GALNT6: variants seen among roughly 807,000 people sequenced by gnomAD.
GALNT6 encodes GalNAc transferase 6.
GALNT6 carries 51 observed loss-of-function variants against 65.9 expected under a neutral mutation model. The observed-to-expected ratio is 0.77, with a 90% CI of 0.62 to 0.98. The LOEUF (loss-of-function observed/expected upper bound fraction) is 0.98. Among genes scored for constraint, GALNT6 ranks in the 50% least tolerant of loss-of-function variants. The pLI, the probability that GALNT6 is intolerant of heterozygous loss-of-function variation, is 0.00. For synonymous variants in GALNT6, 323 were observed against 315.1 expected (o/e 1.02, Z -0.26); for missense variants, 708 against 803.3 (o/e 0.88, Z 1.43).
Position 51,379,787 on chromosome 12 carries a change from A to T in GALNT6, c.-6T>A, listed in dbSNP as rs1947602478. On this transcript the variant is annotated 5_prime_UTR_variant, in exon 3 of 12. Transcript: ENST00000356317. ...CGTCTGCGGAGGAGCCTCATCCTCC[A>T]GAACCAAGGGGCACCCCAGCTGCGT... The T allele has an allele frequency of 6.3e-7, 1 of 1,598,294 alleles. No individual in the cohort carries two copies. The highest frequency in any genetic ancestry group is 8.5e-7 in the Non-Finnish European group (1 of 1,175,716).
At position 51,365,233 on chromosome 12, in the gene GALNT6, T is replaced by C. The variant is rs758187959; in HGVS notation, c.814+197A>G. ...GTGATTTTGGGGTCACCAGTTGTTT[T>C]AGGGATGTTTGTCTTCTTGATGAAA... On this transcript the variant is annotated intron_variant, in intron 5 of 11. Transcript: ENST00000356317. Among the ~76,000 whole-genome samples the C allele has an allele frequency of 1.1e-3, 172 of 152,142 alleles. 1 individual carries two copies. The highest frequency in any genetic ancestry group is 2.2e-3 in the Non-Finnish European group (148 of 68,006).
At chr12:51,370,986 A>G (rs955492543) in intron 4 of GALNT6, among the ~76,000 whole-genome samples, 1 of 152,124 alleles carries the variant, frequency 6.6e-6, no homozygotes, top group Non-Finnish European at 1.5e-5. Context: ...ACATACACAC[A>G]TGAAAAATCC....
rs773343699 is a variant in GALNT6 at position 51,357,308 on chromosome 12, G to C, written c.1602+41C>G. On this transcript the variant is annotated intron_variant, in intron 10 of 11. Transcript: ENST00000356317. ...TCTTTAGGGTAGAGAAAAGGAGCCG[G>C]TGAGGAGAGGAGATGCTCCGGAGAT... The C allele has an allele frequency of 1.5e-5, 19 of 1,274,866 alleles. No homozygotes were observed. The East Asian group carries it at 4.4e-4, about 29-fold the overall frequency. 79.0% of individuals were successfully genotyped at this position (1,274,866 alleles called of 1,614,324 possible).
At position 51,385,011 on chromosome 12, in the gene GALNT6, CAG is replaced by C. The variant is rs1433194624; in HGVS notation, c.-103-5129_-103-5128del. Among the ~76,000 whole-genome samples the C allele has an allele frequency of 2.6e-5, 4 of 151,910 alleles. No individual in the cohort carries two copies. The East Asian group carries it at 7.7e-4, about 29-fold the overall frequency. On this transcript the variant is annotated intron_variant, in intron 2 of 11. Coordinates refer to ENST00000356317, the MANE Select transcript of GALNT6 (RefSeq NM_007210.4). ...TTCTTTCTTTCTTTTTTTTTGGAGACAGGGTCTCATTCTGTTCCTTAAGCTGG... is the reference window on the plus strand; with the variant it reads ...TTCTTTCTTTCTTTTTTTTTGGAGACGGTCTCATTCTGTTCCTTAAGCTGG...
At chr12:51,359,567 G>C (rs770782658) in intron 7 of GALNT6, 11 of 396,266 alleles carry the variant, frequency 2.8e-5, no homozygotes, top group Non-Finnish European at 4.9e-5. Context: ...GAGACTGCAG[G>C]GTCCTGTGTT....
chr12:51,369,086 A>G (rs1194610127), intron 4 of GALNT6, among the ~76,000 whole-genome samples: 1 of 152,190 alleles, frequency 6.6e-6, no homozygotes, highest in Non-Finnish European at 1.5e-5. Context: ...TTTCCCCGAG[A>G]GCTTGCCCAG....
chr12:51,357,578 G>A (rs990089110), intron 9 of GALNT6, 128 bp from the exon 10 acceptor site: 14 of 666,720 alleles, frequency 2.1e-5, no homozygotes, highest in South Asian at 3.4e-5. Flanking sequence ...GATTTCCCCC[G>A]TCATTTCTCT....
chr12:51,388,337 G>A (rs1204064531), intron 2 of GALNT6, among the ~76,000 whole-genome samples: 3 of 152,196 alleles, frequency 2.0e-5, no homozygotes, highest in Admixed American at 6.5e-5. Flanking sequence ...TATTCCTTGA[G>A]CACTGTTTGA....
intron 7 of GALNT6, 152 bp from the exon 8 acceptor site, chr12:51,359,484 C>G (rs1592316194): frequency 7.0e-6 from 4 of 568,160 alleles, no homozygotes; most frequent in Admixed American, 3.1e-5. Context: ...GGATACCGAC[C>G]AGGCTTCTTC....
intron 4 of GALNT6, among the ~76,000 whole-genome samples, chr12:51,372,447 G>GA (rs1947320908): frequency 6.6e-6 from 1 of 152,156 alleles, no homozygotes; most frequent in South Asian, 2.1e-4. Context: ...GGGCTCAAGT[G>GA]ATTTTCCCAC....
chr12:51,385,217 A>AG (rs1233316302), intron 2 of GALNT6, among the ~76,000 whole-genome samples: 1 of 152,126 alleles, frequency 6.6e-6, no homozygotes, highest in Non-Finnish European at 1.5e-5. Context: ...TTCAACTCCT[A>AG]GGCCGAAGCA....
At chr12:51,359,398 C>T (rs1487283111) in intron 7 of GALNT6, 66 bp from the exon 8 acceptor site, 1 of 1,120,580 alleles carries the variant, frequency 8.9e-7, no homozygotes, top group African/African-American at 1.5e-5. Context: ...CCATAAGCAG[C>T]TCTATTCTAT....
chr12:51,364,813 G>A (rs1011450992), intron 5 of GALNT6, among the ~76,000 whole-genome samples: 2 of 152,198 alleles, frequency 1.3e-5, no homozygotes, highest in African/African-American at 4.8e-5. Flanking sequence ...GCTTCTGCAC[G>A]TATTATTACT....
chr12:51,357,629 G>A (rs867226891), intron 9 of GALNT6, among the ~76,000 whole-genome samples, 179 bp from the exon 10 acceptor site: 2 of 152,342 alleles, frequency 1.3e-5, no homozygotes, highest in African/African-American at 4.8e-5. Context: ...TAACAGCAAA[G>A]TGAGCTGCAG....
chr12:51,373,688 G>C (rs1947362160), intron 4 of GALNT6, among the ~76,000 whole-genome samples: 1 of 152,128 alleles, frequency 6.6e-6, no homozygotes. Context: ...TAATATGCTT[G>C]CTTCCATTCC....
In GALNT6 at chr12:51,357,460, G is replaced by A. The variant is rs747220717; in HGVS notation, c.1501-10C>T. ...TGCCGAGGTTCTTGATCTGCAGAAG[G>A]GTGAGCAGAGAGGGGAAGCAGGATG... On this transcript the variant is annotated splice_polypyrimidine_tract_variant and intron_variant, in intron 9 of 11. Coordinates refer to ENST00000356317, the MANE Select transcript of GALNT6 (RefSeq NM_007210.4). 6.3e-7 allele frequency: 1 copy of A among 1,599,408 alleles called. No individual in the cohort carries two copies. Among genetic ancestry groups the A allele is most frequent in the Admixed American group, 1.7e-5 (1 of 60,010 alleles).
At chr12:51,382,153 T>C (rs1001870908) in intron 2 of GALNT6, among the ~76,000 whole-genome samples, 1 of 152,194 alleles carries the variant, frequency 6.6e-6, no homozygotes, top group African/African-American at 2.4e-5. Flanking sequence ...TATTAACTAT[T>C]GTCTAGGAGA....
At chr12:51,357,910 T>C (rs981233893) in intron 9 of GALNT6, among the ~76,000 whole-genome samples, 2 of 152,228 alleles carry the variant, frequency 1.3e-5, no homozygotes, top group Admixed American at 6.5e-5. Context: ...TGATGCATGC[T>C]AATGTTTCAG....
chr12:51,387,756 C>T lies in GALNT6; in HGVS notation c.-104+3094G>A, dbSNP rs1347244243. Among the ~76,000 whole-genome samples the T allele has an allele frequency of 1.3e-5, 2 of 151,008 alleles. No individual in the cohort carries two copies. The highest frequency in any genetic ancestry group is 2.9e-5 in the Non-Finnish European group (2 of 67,850). On this transcript the variant is annotated intron_variant, in intron 2 of 11. Coordinates refer to ENST00000356317, the MANE Select transcript of GALNT6 (RefSeq NM_007210.4). The surrounding 1 kb of genome is among the most constrained non-coding windows in gnomAD (Gnocchi z 4.2). Reference sequence around the variant, plus strand: ...AAGCCTTGGTGACAACGAGACTGGGCTTGAGGGGGAGAGTTGGGGGAAAGG... The same window carrying T: ...AAGCCTTGGTGACAACGAGACTGGGTTTGAGGGGGAGAGTTGGGGGAAAGG...
Sources: gnomAD v4.1 joint callset for allele counts (sites outside exome capture counted in the v4.1 genomes callset) on GRCh38, gnomAD v4.1.1 for gene constraint, Gnocchi (gnomAD v3.1) non-coding constraint, MANE v1.5 for transcripts, NCBI Gene and HGNC (gene_info 2026-07-23, HGNC 2026-07-21) for gene names.